The following CNTLN variants were observed in gnomAD, a reference collection of about 807,000 sequenced individuals.
The protein encoded by CNTLN is centlein, centrosomal protein.
In CNTLN, 212 loss-of-function variants were observed where a neutral mutation model predicts 180.0. The observed-to-expected ratio is 1.18, with a 90% confidence interval of 1.05 to 1.32. CNTLN has a LOEUF of 1.32. Ranked by LOEUF, CNTLN falls within the 40% of genes most tolerant of loss-of-function variation. The pLI, the probability that CNTLN is intolerant of heterozygous loss-of-function variation, is 0.00. For missense variants in CNTLN, 2,095 were observed against 1,610.9 expected, an observed-to-expected ratio of 1.30 and a Z score of -5.14; for synonymous variants, 722 against 563.1, an observed-to-expected ratio of 1.28 and a Z score of -3.99.
chr9:17,413,789 G>A (rs1828028928), intron 16 of CNTLN, among the ~76,000 whole-genome samples: 1 of 152,110 alleles, frequency 6.6e-6, no homozygotes, highest in Non-Finnish European at 1.5e-5. Context: ...CTATATTACA[G>A]CACTCTGAAA....
At chr9:17,135,470 C>T in intron 1 of CNTLN, 45 bp downstream of exon 1, 1 of 1,552,110 alleles carries the variant, frequency 6.4e-7, no homozygotes. Flanking sequence ...CACAGCGGGG[C>T]CGGGACCCGT....
At chr9:17,256,643 A>C (rs1044494456) in intron 5 of CNTLN, among the ~76,000 whole-genome samples, 6 of 151,748 alleles carry the variant, frequency 4.0e-5, no homozygotes, top group African/African-American at 1.5e-4. Context: ...GTAAGGCAGA[A>C]TGTGTATTCA....
At chr9:17,335,785 CA>C (rs35195564) in intron 10 of CNTLN, among the ~76,000 whole-genome samples, 1 of 151,000 alleles carries the variant, frequency 6.6e-6, no homozygotes, top group Non-Finnish European at 1.5e-5. Flanking sequence ...TAAAAATAGA[CA>C]AAAAAATGAG....
chr9:17,423,238 A>T (rs1828849960), intron 18 of CNTLN, among the ~76,000 whole-genome samples: 1 of 152,132 alleles, frequency 6.6e-6, no homozygotes, highest in Non-Finnish European at 1.5e-5. Flanking sequence ...ACTGATGTTT[A>T]TTTGAGGTCC....
chr9:17,371,916 A>C (rs1443827181), intron 13 of CNTLN, among the ~76,000 whole-genome samples: 4 of 152,072 alleles, frequency 2.6e-5, no homozygotes, highest in Non-Finnish European at 5.9e-5. Flanking sequence ...TCTTGAAACA[A>C]ATGATAATGG....
At chr9:17,281,001 A>G (rs10962995) in intron 6 of CNTLN, among the ~76,000 whole-genome samples, 9,116 of 152,260 alleles carry the variant, frequency 0.06, 365 homozygotes, top group South Asian at 0.13. Context: ...CACATATTTA[A>G]TAAGAGACAG....
At chr9:17,262,832 G>A (rs1001936052) in intron 5 of CNTLN, among the ~76,000 whole-genome samples, 1 of 151,332 alleles carries the variant, frequency 6.6e-6, no homozygotes, top group African/African-American at 2.5e-5. Context: ...TCAGTATGAT[G>A]TTGGCTGTGG....
rs192909765 is a variant in CNTLN, at chr9:17,189,506, C to G, written c.450-36697C>G. On this transcript the variant is annotated intron_variant, in intron 2 of 25. Coordinates refer to ENST00000380647, the MANE Select transcript of CNTLN (RefSeq NM_017738.4). ...GTTGTTTTTGTTTTTTTTTTTGAAA[C>G]AGATTCTCACTCTGTCACCCAGGCT... Among the ~76,000 whole-genome samples the G allele has an allele frequency of 5.4e-3, 762 of 140,664 alleles. 5 individuals are homozygous for G. Among genetic ancestry groups the G allele is most frequent in the Admixed American group, 8.2e-3 (116 of 14,070 alleles). The allele number at this position is 140,664 out of a possible 152,430, so 92.3% of individuals were successfully genotyped here.
At position 17,179,261 on chromosome 9, in the gene CNTLN, A is replaced by AAAGG. The variant is rs1820968295; in HGVS notation, c.449+35888_449+35889insGAAG. ...TCCGTCTCAAAAAAAAAAAAAAAAA[A>AAAGG]AAGAAGAAGTGTAGATTATTGATTT... On this transcript the variant is annotated intron_variant, in intron 2 of 25. Coordinates refer to ENST00000380647, the MANE Select transcript of CNTLN (RefSeq NM_017738.4). Among the ~76,000 whole-genome samples, 2 of 138,642 alleles carry AAAGG rather than the reference A, an allele frequency of 1.4e-5. 1 individual carries two copies. The highest frequency in any genetic ancestry group is 6.1e-5 in the African/African-American group (2 of 32,894). The allele number at this position is 138,642 out of a possible 152,430, so 91.0% of individuals were successfully genotyped here.
At chr9:17,514,305 G>A in the CNTLN span, among the ~76,000 whole-genome samples, 9 of 152,094 alleles carry the variant, frequency 5.9e-5, no homozygotes, top group Admixed American at 5.9e-4. Context: ...GCAAGATGCT[G>A]TCTCAAACAA....
intron 25 of CNTLN, among the ~76,000 whole-genome samples, chr9:17,497,215 GA>G (rs2134397800): frequency 6.6e-6 from 1 of 152,194 alleles, no homozygotes; most frequent in South Asian, 2.1e-4. Flanking sequence ...GATAGGAGTG[GA>G]AAATGAGGGA....
chr9:17,432,999 T>G (rs1829510168), intron 18 of CNTLN, among the ~76,000 whole-genome samples: 1 of 122,234 alleles, frequency 8.2e-6, no homozygotes, highest in Non-Finnish European at 1.6e-5. Context: ...GCAGCCTGGG[T>G]GACAGAGCAA....
chr9:17,483,223 T>G (rs922471477), intron 23 of CNTLN, among the ~76,000 whole-genome samples: 48 of 152,300 alleles, frequency 3.2e-4, no homozygotes, highest in African/African-American at 1.2e-3. Context: ...TTAAGGCTGA[T>G]GCTCAACTTT....
intron 6 of CNTLN, among the ~76,000 whole-genome samples, chr9:17,274,118 A>G (rs1473403700): frequency 2.6e-5 from 4 of 152,074 alleles, no homozygotes; most frequent in African/African-American, 7.2e-5. Context: ...GGATATTGCA[A>G]TGCTTTCATT....
chr9:17,165,545 G>C (rs567505505), intron 2 of CNTLN, among the ~76,000 whole-genome samples: 1 of 152,198 alleles, frequency 6.6e-6, no homozygotes, highest in Admixed American at 6.5e-5. Context: ...TGAAGGATGA[G>C]GCTACAAAAT....
chr9:17,479,829 A>G (rs1411362870), intron 23 of CNTLN, among the ~76,000 whole-genome samples: 1 of 152,218 alleles, frequency 6.6e-6, no homozygotes, highest in Non-Finnish European at 1.5e-5. Flanking sequence ...GCTGAAATGT[A>G]TCTTTTGAAC....
At position 17,217,808 on chromosome 9, in the gene CNTLN, T is replaced by C. The variant is rs144471567; in HGVS notation, c.450-8395T>C. On this transcript the variant is annotated intron_variant, in intron 2 of 25. Transcript: ENST00000380647. ...ACAAATAGTTAAAAGAGATGAAATA[T>C]AAGAAAATCAGGAAATAGTCACTTA... Among the ~76,000 whole-genome samples the C allele has an allele frequency of 2.0e-5, 3 of 152,306 alleles. No homozygotes were observed. The East Asian group carries it at 5.8e-4, about 29-fold the overall frequency.
intron 15 of CNTLN, among the ~76,000 whole-genome samples, chr9:17,406,318 G>T (rs981061746): frequency 4.6e-5 from 7 of 151,744 alleles, no homozygotes; most frequent in Non-Finnish European, 1.0e-4. Flanking sequence ...AATATGAAAA[G>T]AACTTTCCTA....
rs558059269 is a variant in CNTLN, at chr9:17,249,345, G to GTTTT, written c.849+12762_849+12765dup. 8.9e-3 allele frequency among the ~76,000 whole-genome samples: 1,106 copies of GTTTT among 124,658 alleles called. 59 individuals are homozygous for GTTTT. The highest frequency in any genetic ancestry group is 0.01 in the African/African-American group (296 of 29,364). The allele number at this position is 124,658 out of a possible 152,430, so 81.8% of individuals were successfully genotyped here. A position where few individuals can be genotyped will look rare whatever the true frequency, so the allele number is the denominator to read the frequency against. On this transcript the variant is annotated intron_variant, in intron 5 of 25. Transcript: ENST00000380647. Reference sequence around the variant, plus strand: ...TCTTTGATCCATTGGTTCTTTGATTGTTTTTTTTGTTTTTTTTTTTTGAGC... The same window carrying GTTTT: ...TCTTTGATCCATTGGTTCTTTGATTGTTTTTTTTTTTTGTTTTTTTTTTTTGAGC...
Sources: allele counts gnomAD v4.1 joint callset (sites outside exome capture counted in the v4.1 genomes callset), GRCh38; gene constraint gnomAD v4.1.1; transcripts MANE v1.5; gene names NCBI Gene and HGNC (gene_info 2026-07-23, HGNC 2026-07-21).